The following IL15 variants were observed in gnomAD, a reference collection of about 807,000 sequenced individuals.
IL15 encodes the protein interleukin-15.
A neutral mutation model predicts 19.6 loss-of-function variants in IL15; 11 were observed. The observed-to-expected ratio is 0.56, with a 90% CI of 0.35 to 0.93. IL15 has a LOEUF of 0.93. Among genes scored for constraint, IL15 ranks in the 40% least tolerant of loss-of-function variants. The pLI, the probability that IL15 is intolerant of heterozygous loss-of-function variation, is 0.01. For missense variants in IL15, 197 were observed against 186.5 expected (o/e 1.06, Z -0.33); for synonymous variants, 58 against 59.6 (o/e 0.97, Z 0.12).
intron 2 of IL15, chr4:141,704,757 A>G (rs1284139218): frequency 6.1e-6 from 1 of 164,614 alleles, no homozygotes; most frequent in Non-Finnish European, 1.3e-5. Flanking sequence ...TTTACTCATT[A>G]TCAGTCTGTT....
At chr4:141,661,688 C>G (rs1342340198) in intron 2 of IL15, among the ~76,000 whole-genome samples, 1 of 152,146 alleles carries the variant, frequency 6.6e-6, no homozygotes, top group Non-Finnish European at 1.5e-5. Context: ...TTTTCTCTGC[C>G]TGGGTGTGAC....
chr4:141,714,669 C>G (rs550818793), intron 2 of IL15: 1 of 152,282 alleles, frequency 6.6e-6, no homozygotes, highest in Admixed American at 6.5e-5. Flanking sequence ...TTTGATGTGT[C>G]CATCATTCCC....
At chr4:141,647,514 T>C (rs558349944) in intron 1 of IL15, among the ~76,000 whole-genome samples, 4 of 152,090 alleles carry the variant, frequency 2.6e-5, no homozygotes, top group Admixed American at 2.6e-4. Context: ...TATATATAGA[T>C]GGCTTAGGGT....
intron 1 of IL15, among the ~76,000 whole-genome samples, chr4:141,655,831 A>G (rs1472124322): frequency 6.6e-6 from 1 of 152,204 alleles, no homozygotes; most frequent in African/African-American, 2.4e-5. Context: ...AATATCAAAC[A>G]CACAAATACA....
intron 2 of IL15, among the ~76,000 whole-genome samples, chr4:141,687,745 T>G (rs1468897013): frequency 6.6e-6 from 1 of 152,220 alleles, no homozygotes; most frequent in African/African-American, 2.4e-5. Context: ...TAATTGTGTT[T>G]CTCCTCTTTA....
At chr4:141,665,560 C>G (rs908255968) in intron 2 of IL15, among the ~76,000 whole-genome samples, 3 of 152,064 alleles carry the variant, frequency 2.0e-5, no homozygotes, top group African/African-American at 7.2e-5. Context: ...AATTTCACTT[C>G]CAAATTTCTT....
chr4:141,708,870 T>G (rs150103136), intron 2 of IL15, among the ~76,000 whole-genome samples: 52 of 152,258 alleles, frequency 3.4e-4, no homozygotes, highest in Admixed American at 5.9e-4. Context: ...CTAACTTCAC[T>G]TGGACAGGTA....
intron 1 of IL15, among the ~76,000 whole-genome samples, chr4:141,653,789 C>T (rs1727495001): frequency 1.3e-5 from 2 of 152,138 alleles, no homozygotes; most frequent in South Asian, 2.1e-4. Context: ...AATTTCAACA[C>T]TGATATTCTA....
intron 7 of IL15, among the ~76,000 whole-genome samples, chr4:141,731,707 G>A (rs1730458210): frequency 6.6e-6 from 1 of 152,148 alleles, no homozygotes; most frequent in African/African-American, 2.4e-5. Context: ...TTATTTTCAG[G>A]ATCAAATAGG....
chr4:141,681,920 T>C (rs1017121761), intron 2 of IL15, among the ~76,000 whole-genome samples: 10 of 152,176 alleles, frequency 6.6e-5, no homozygotes, highest in African/African-American at 2.4e-5. Context: ...AGGCAAAGAA[T>C]CATTATTTTC....
intron 1 of IL15, among the ~76,000 whole-genome samples, chr4:141,643,583 C>T (rs1293541379): frequency 6.6e-6 from 1 of 152,144 alleles, no homozygotes; most frequent in Non-Finnish European, 1.5e-5. Flanking sequence ...TCCCCTTCTC[C>T]TTATTTTCCT....
intron 2 of IL15, among the ~76,000 whole-genome samples, chr4:141,697,284 T>A (rs1237188536): frequency 6.6e-6 from 1 of 152,204 alleles, no homozygotes; most frequent in African/African-American, 2.4e-5. Flanking sequence ...CCCCAATTTA[T>A]GTTTTTGTAA....
chr4:141,680,269 G>C (rs1404801403), intron 2 of IL15, among the ~76,000 whole-genome samples: 1 of 152,194 alleles, frequency 6.6e-6, no homozygotes, highest in African/African-American at 2.4e-5. Flanking sequence ...TTTTATTATA[G>C]CTGGAGGGAA....
chr4:141,670,842 T>C (rs867172610), intron 2 of IL15, among the ~76,000 whole-genome samples: 46 of 152,154 alleles, frequency 3.0e-4, no homozygotes, highest in African/African-American at 1.1e-3. Flanking sequence ...AAATTGGAGC[T>C]TACATAGAAA....
intron 2 of IL15, among the ~76,000 whole-genome samples, chr4:141,693,425 C>A (rs1300044979): frequency 1.3e-5 from 2 of 152,162 alleles, no homozygotes; most frequent in East Asian, 3.9e-4. Flanking sequence ...GAACCATGCT[C>A]ATTCACTTTT....
chr4:141,696,263 G>A (rs184534725), intron 2 of IL15, among the ~76,000 whole-genome samples: 1 of 152,060 alleles, frequency 6.6e-6, no homozygotes, highest in Non-Finnish European at 1.5e-5. Flanking sequence ...TTATTTCTGG[G>A]TTTTCTACGC....
intron 1 of IL15, among the ~76,000 whole-genome samples, chr4:141,644,980 C>T (rs931896268): frequency 3.3e-5 from 5 of 152,122 alleles, no homozygotes; most frequent in Non-Finnish European, 5.9e-5. Context: ...CTCCTTTTCT[C>T]ATTCTTTCTT....
intron 1 of IL15, among the ~76,000 whole-genome samples, chr4:141,638,029 T>C (rs1181405658): frequency 6.6e-6 from 1 of 152,164 alleles, no homozygotes; most frequent in East Asian, 1.9e-4. Flanking sequence ...AGTTCCAGTT[T>C]ATAGTGAGCT....
chr4:141,670,671 T>G (rs533489354), intron 2 of IL15, among the ~76,000 whole-genome samples: 1 of 152,334 alleles, frequency 6.6e-6, no homozygotes, highest in African/African-American at 2.4e-5. Flanking sequence ...TTTTACTTCT[T>G]TATTTAAGAT....
Sources: allele counts gnomAD v4.1 joint callset (sites outside exome capture counted in the v4.1 genomes callset), GRCh38; gene constraint gnomAD v4.1.1; transcripts MANE v1.5; gene names NCBI Gene and HGNC (gene_info 2026-07-23, HGNC 2026-07-21).